SAMD5: variants seen among roughly 807,000 people sequenced by gnomAD.
SAMD5 encodes sterile alpha motif domain containing 5.
In SAMD5, 13 loss-of-function variants were observed where a neutral mutation model predicts 11.3. The ratio of observed to expected loss-of-function variants is 1.15; its 90% CI spans 0.75 to 1.83. The LOEUF is 1.83. Ranked by LOEUF, SAMD5 falls within the 40% of genes most tolerant of loss-of-function variation. SAMD5 has a pLI of 0.00. For missense variants in SAMD5, 255 were observed against 239.1 expected, an observed-to-expected ratio of 1.07 and a Z score of -0.44; for synonymous variants, 129 against 111.3, an observed-to-expected ratio of 1.16 and a Z score of -1.00.
the SAMD5 span, among the ~76,000 whole-genome samples, chr6:147,842,379 G>C: frequency 6.7e-6 from 1 of 149,008 alleles, no homozygotes; most frequent in African/African-American, 2.5e-5. Context: ...CCAGGTTGTT[G>C]GAGAATTTTC....
the SAMD5 span, among the ~76,000 whole-genome samples, chr6:147,834,564 C>T: frequency 6.6e-6 from 1 of 152,178 alleles, no homozygotes; most frequent in Non-Finnish European, 1.5e-5. Flanking sequence ...TGTTGGGGTT[C>T]GGACACTGAT....
the SAMD5 span, among the ~76,000 whole-genome samples, chr6:147,822,924 C>G: frequency 6.6e-6 from 1 of 152,158 alleles, no homozygotes; most frequent in East Asian, 1.9e-4. Context: ...AAGCGATTCT[C>G]CTGTCTCAGC....
the SAMD5 span, among the ~76,000 whole-genome samples, chr6:147,769,662 A>T: frequency 6.6e-6 from 1 of 152,206 alleles, no homozygotes; most frequent in Non-Finnish European, 1.5e-5. Context: ...CTAAATAATG[A>T]TGTTTACACA....
At chr6:147,739,554 C>T (rs914616337), downstream of SAMD5, among the ~76,000 whole-genome samples, 17 of 152,082 alleles carry the variant, frequency 1.1e-4, no homozygotes, top group African/African-American at 3.9e-4. Context: ...TCAGAGATCT[C>T]ACCACTGCAC....
the SAMD5 span, among the ~76,000 whole-genome samples, chr6:147,786,376 G>A: frequency 6.6e-6 from 1 of 152,084 alleles, no homozygotes; most frequent in Non-Finnish European, 1.5e-5. Flanking sequence ...ATTTCCATGT[G>A]GATGAACATA....
intron 1 of SAMD5, among the ~76,000 whole-genome samples, chr6:147,557,836 C>A (rs1788882381): frequency 6.6e-6 from 1 of 152,158 alleles, no homozygotes; most frequent in South Asian, 2.1e-4. Flanking sequence ...GTTGCACAGA[C>A]CCACCCTGCC....
chr6:147,952,750 G>T, the SAMD5 span, among the ~76,000 whole-genome samples: 3 of 152,294 alleles, frequency 2.0e-5, no homozygotes, highest in South Asian at 6.2e-4. Context: ...TGACTTTCAA[G>T]TGATCCTCCC....
chr6:147,923,669 C>G, the SAMD5 span, among the ~76,000 whole-genome samples: 1 of 152,190 alleles, frequency 6.6e-6, no homozygotes, highest in Admixed American at 6.5e-5. Context: ...AAGATGCTTT[C>G]ACAGAACCAG....
At chr6:147,535,826 A>G (rs1788499991) in intron 1 of SAMD5, among the ~76,000 whole-genome samples, 1 of 152,068 alleles carries the variant, frequency 6.6e-6, no homozygotes, top group South Asian at 2.1e-4. Flanking sequence ...TTAGAAAGTG[A>G]TATTTTTTAT....
rs139259862 is a variant in SAMD5, at chr6:147,718,315, A to G, written c.163-19002A>G. ...GAGTGTGCATGGAAAAACCGCCTAA[A>G]TCACACATTGCACCTGGAGAATGCG... On this transcript the variant is annotated intron_variant, in intron 1 of 1. Transcript: ENST00000566741. 3.8e-4 allele frequency among the ~76,000 whole-genome samples: 58 copies of G among 152,274 alleles called. 1 individual carries two copies. In the East Asian group the frequency reaches 0.011, roughly 29 times the overall value.
At chr6:147,557,096 A>C (rs1324188584) in intron 1 of SAMD5, among the ~76,000 whole-genome samples, 1 of 152,230 alleles carries the variant, frequency 6.6e-6, no homozygotes, top group African/African-American at 2.4e-5. Context: ...TATTTTAACA[A>C]ATCATATTTT....
At chr6:147,819,437 CTAAAA>C in the SAMD5 span, among the ~76,000 whole-genome samples, 7 of 152,136 alleles carry the variant, frequency 4.6e-5, no homozygotes, top group South Asian at 1.5e-3. Context: ...ACCCGTGAAC[CTAAAA>C]TAAAAGTTAA....
At chr6:147,874,181 ACTTC>A in the SAMD5 span, among the ~76,000 whole-genome samples, 1 of 152,174 alleles carries the variant, frequency 6.6e-6, no homozygotes, top group Non-Finnish European at 1.5e-5. Context: ...GATTGGCTTT[ACTTC>A]CTTAATTATG....
the SAMD5 span, among the ~76,000 whole-genome samples, chr6:147,819,817 G>C: frequency 3.3e-4 from 50 of 152,318 alleles, no homozygotes; most frequent in East Asian, 6.4e-3. Flanking sequence ...CTAGAGTTAA[G>C]AAGAATGTGG....
chr6:147,632,842 G>A (rs950300719), intron 1 of SAMD5, among the ~76,000 whole-genome samples: 1 of 152,070 alleles, frequency 6.6e-6, no homozygotes, highest in Non-Finnish European at 1.5e-5. Context: ...AGGCTATTAG[G>A]GCAGAATTTC....
the SAMD5 span, among the ~76,000 whole-genome samples, chr6:147,920,605 C>A: frequency 6.6e-6 from 1 of 152,178 alleles, no homozygotes; most frequent in Non-Finnish European, 1.5e-5. Flanking sequence ...CACTATTTAA[C>A]ACCAAATAAT....
At chr6:147,598,608 T>C (rs1789570897) in intron 1 of SAMD5, among the ~76,000 whole-genome samples, 2 of 152,258 alleles carry the variant, frequency 1.3e-5, no homozygotes, top group South Asian at 4.2e-4. Context: ...CAGGTAGCCA[T>C]GAGAAATTGC....
chr6:147,907,766 A>C, the SAMD5 span, among the ~76,000 whole-genome samples: 1 of 152,156 alleles, frequency 6.6e-6, no homozygotes, highest in Non-Finnish European at 1.5e-5. Context: ...GATATTCCCA[A>C]GACAGCAGCA....
At chr6:147,766,087 T>A in the SAMD5 span, among the ~76,000 whole-genome samples, 1 of 131,560 alleles carries the variant, frequency 7.6e-6, no homozygotes, top group Non-Finnish European at 1.7e-5. Flanking sequence ...AAATTAAAAA[T>A]ACGGTAAGCA....
Sources: allele counts gnomAD v4.1 joint callset (sites outside exome capture counted in the v4.1 genomes callset), GRCh38; gene constraint gnomAD v4.1.1; transcripts MANE v1.5; gene names NCBI Gene and HGNC (gene_info 2026-07-23, HGNC 2026-07-21).